The following SH3KBP1 variants were observed in gnomAD, a reference collection of about 807,000 sequenced individuals.
The protein encoded by SH3KBP1 is SH3 domain-containing kinase-binding protein 1.
In SH3KBP1, 8 loss-of-function variants were observed where a neutral mutation model predicts 50.1. That is an observed-to-expected ratio of 0.16 (90% CI 0.09 to 0.29). The LOEUF (loss-of-function observed/expected upper bound fraction) is 0.29. SH3KBP1 is among the 10% of genes least tolerant of loss of function. The pLI, the probability that SH3KBP1 is intolerant of heterozygous loss-of-function variation, is 1.00. For missense variants in SH3KBP1, 377 were observed against 535.2 expected, an observed-to-expected ratio of 0.70 and a Z score of 2.92; for synonymous variants, 227 against 218.6, an observed-to-expected ratio of 1.04 and a Z score of -0.34.
At chrX:19,713,557 T>C (rs2063829523) in intron 3 of SH3KBP1, among the ~76,000 whole-genome samples, 1 of 105,665 alleles carries the variant, frequency 9.5e-6, no homozygotes, top group Admixed American at 1.0e-4. Context: ...TCATCACACC[T>C]AGCCAAAAAA....
chrX:19,572,347 C>CAT (rs60386907), intron 12 of SH3KBP1, among the ~76,000 whole-genome samples: 8 of 103,167 alleles, frequency 7.8e-5, no homozygotes, highest in East Asian at 2.9e-4. Flanking sequence ...ATATATAGTA[C>CAT]ATATATATGT....
chrX:19,678,339 A>C (rs188412412), intron 6 of SH3KBP1, among the ~76,000 whole-genome samples: 3 of 106,994 alleles, frequency 2.8e-5, no homozygotes, highest in African/African-American at 1.1e-4. Context: ...CTCAATCAAA[A>C]TTCCAGGAGG....
chrX:19,872,725 G>A (rs1261566800), intron 1 of SH3KBP1, among the ~76,000 whole-genome samples: 2 of 109,352 alleles, frequency 1.8e-5, no homozygotes, highest in Non-Finnish European at 3.8e-5. Flanking sequence ...GCAGTGAGCC[G>A]AGATCGCACC....
chrX:19,849,672 G>A (rs1340374171), intron 1 of SH3KBP1, among the ~76,000 whole-genome samples: 4 of 94,382 alleles, frequency 4.2e-5, no homozygotes, highest in Non-Finnish European at 8.2e-5. Context: ...CTCCAGCCTG[G>A]GTAGCAGAGT....
chrX:19,828,639 C>A (rs746174159), intron 2 of SH3KBP1, among the ~76,000 whole-genome samples: 2 of 110,426 alleles, frequency 1.8e-5, no homozygotes, highest in Admixed American at 1.9e-4. Flanking sequence ...AAATAATTAC[C>A]CAGGTGAGGT....
chrX:19,878,991 C>A (rs948434408), intron 1 of SH3KBP1, among the ~76,000 whole-genome samples: 5 of 112,768 alleles, frequency 4.4e-5, no homozygotes, highest in Admixed American at 3.7e-4. Flanking sequence ...CATGCCTAAT[C>A]CCAATGCTTT....
chrX:19,650,059 T>C (rs1318809930), intron 6 of SH3KBP1, among the ~76,000 whole-genome samples: 3 of 111,643 alleles, frequency 2.7e-5, no homozygotes, highest in Non-Finnish European at 5.6e-5. Flanking sequence ...ACAACTCTCA[T>C]ATCACAAAGG....
At chrX:19,568,990 G>C in intron 13 of SH3KBP1, 113 bp downstream of exon 13, 1 of 640,129 alleles carries the variant, frequency 1.6e-6, no homozygotes, top group Non-Finnish European at 2.6e-6. Flanking sequence ...AAGGGTGCCA[G>C]CCTGGCATTT....
chrX:19,588,454 G>A (rs1183433914), intron 12 of SH3KBP1, 189 bp downstream of exon 12: 1 of 1,171,423 alleles, frequency 8.5e-7, no homozygotes, highest in Non-Finnish European at 1.1e-6. Flanking sequence ...ACTCACTCCT[G>A]CCTGAGTGCA....
At chrX:19,714,541 C>T (rs1347189225) in intron 3 of SH3KBP1, among the ~76,000 whole-genome samples, 2 of 110,481 alleles carry the variant, frequency 1.8e-5, no homozygotes, top group Non-Finnish European at 3.8e-5. Context: ...GGTATAGATA[C>T]CTAATAGACT....
Position 19,534,563 on chromosome X carries a change from G to A in SH3KBP1, c.*1854C>T, listed in dbSNP as rs1477504749. ...AATCTCTGGAATCTTCAAGTTTAAC[G>A]CAGAAATGCTTATAACTGTCAAGGG... is the stretch of plus-strand genomic sequence containing the variant. On this transcript the variant is annotated 3_prime_UTR_variant, in exon 18 of 18. Coordinates refer to ENST00000397821, the MANE Select transcript of SH3KBP1 (RefSeq NM_031892.3). 2 of 222,865 alleles carry A rather than the reference G, an allele frequency of 9.0e-6. No individual in the cohort carries two copies. The highest frequency in any genetic ancestry group is 7.2e-5 in the Admixed American group (1 of 13,897). The allele number at this position is 222,865 out of a possible 1,213,427, so 18.4% of individuals were successfully genotyped here.
intron 7 of SH3KBP1, among the ~76,000 whole-genome samples, chrX:19,640,812 G>A (rs1374741727): frequency 8.9e-6 from 1 of 111,775 alleles, no homozygotes; most frequent in Non-Finnish European, 1.9e-5. Context: ...GTTGCTTTCT[G>A]CAACCAATCA....
intron 3 of SH3KBP1, among the ~76,000 whole-genome samples, chrX:19,727,908 C>G (rs1208979732): frequency 1.8e-5 from 2 of 109,779 alleles, no homozygotes; most frequent in Non-Finnish European, 3.8e-5. Context: ...TCACTTGAAC[C>G]CGGTTGCAGT....
At chrX:19,765,019 A>G (rs2065558382) in intron 2 of SH3KBP1, among the ~76,000 whole-genome samples, 1 of 67,103 alleles carries the variant, frequency 1.5e-5, no homozygotes, top group African/African-American at 6.4e-5. Flanking sequence ...TTTTTTAAGT[A>G]GAGACGGGGT....
intron 6 of SH3KBP1, among the ~76,000 whole-genome samples, chrX:19,676,785 G>A (rs1261351640): frequency 2.7e-5 from 3 of 112,443 alleles, no homozygotes; most frequent in African/African-American, 9.7e-5. Flanking sequence ...CTACAATGTG[G>A]ATACCATAAA....
At chrX:19,766,782 C>T (rs1025931211) in intron 2 of SH3KBP1, among the ~76,000 whole-genome samples, 2 of 110,612 alleles carry the variant, frequency 1.8e-5, no homozygotes, top group African/African-American at 3.3e-5. Flanking sequence ...TGAGCCACCA[C>T]GCCTGGTCCG....
intron 17 of SH3KBP1, among the ~76,000 whole-genome samples, chrX:19,537,359 G>A (rs2064743799): frequency 9.1e-6 from 1 of 110,354 alleles, no homozygotes; most frequent in Non-Finnish European, 1.9e-5. Flanking sequence ...TCGGGAGTCT[G>A]AGGCAGGAGA....
In SH3KBP1 at chrX:19,860,882, A is replaced by G. The variant is rs988898718; in HGVS notation, c.5-24600T>C. The stretch of plus-strand genomic sequence containing the variant: ...AGATCTATAGTACAGTATTAGATAT[A>G]GTATAGCATAGTATAGTATTTAGCA... On this transcript the variant is annotated intron_variant, in intron 1 of 17. Transcript: ENST00000397821. Among the ~76,000 whole-genome samples the G allele has an allele frequency of 3.6e-5, 4 of 111,739 alleles. No individual in the cohort carries two copies. The Admixed American group carries it at 3.8e-4, about 11-fold the overall frequency.
chrX:19,679,224 T>C (rs1412118582), intron 6 of SH3KBP1, among the ~76,000 whole-genome samples: 5 of 111,720 alleles, frequency 4.5e-5, no homozygotes, highest in Non-Finnish European at 7.5e-5. Flanking sequence ...TCCTATACTC[T>C]ATTATTATTG....
Sources: allele counts gnomAD v4.1 joint callset (sites outside exome capture counted in the v4.1 genomes callset), GRCh38; gene constraint gnomAD v4.1.1; transcripts MANE v1.5; gene names NCBI Gene and HGNC (gene_info 2026-07-23, HGNC 2026-07-21).